Variants in USP6NL observed in about 807,000 individuals in gnomAD.
USP6NL encodes the protein USP6 N-terminal like.
A neutral mutation model predicts 61.9 loss-of-function variants in USP6NL; 26 were observed. The observed-to-expected ratio is 0.42, with a 90% CI of 0.31 to 0.58. USP6NL has a LOEUF of 0.58. Ranked by LOEUF, USP6NL falls within the 20% of genes least tolerant of loss-of-function variation. The pLI, the probability that USP6NL is intolerant of heterozygous loss-of-function variation, is 0.16. For missense variants in USP6NL, 1,114 were observed against 1,034.3 expected (o/e 1.08, Z -1.06); for synonymous variants, 432 against 390.1 (o/e 1.11, Z -1.27).
intron 2 of USP6NL, among the ~76,000 whole-genome samples, chr10:11,527,985 C>T (rs1835487456): frequency 6.6e-6 from 1 of 152,234 alleles, no homozygotes; most frequent in East Asian, 1.9e-4. Context: ...GCACAAGATA[C>T]AATATTTATT....
intron 14 of USP6NL, among the ~76,000 whole-genome samples, chr10:11,480,672 T>C (rs1833159720): frequency 1.3e-5 from 2 of 152,170 alleles, no homozygotes; most frequent in African/African-American, 4.8e-5. Flanking sequence ...AAAGCAAACA[T>C]CTTGGTTTTT....
intron 2 of USP6NL, among the ~76,000 whole-genome samples, chr10:11,571,671 TA>T (rs1400501985): frequency 1.3e-5 from 2 of 151,938 alleles, no homozygotes; most frequent in East Asian, 3.9e-4. Context: ...ATTCTCTTCT[TA>T]GGGGTCAGTG....
intron 14 of USP6NL, among the ~76,000 whole-genome samples, chr10:11,471,083 G>A (rs1392038879): frequency 1.3e-5 from 2 of 152,186 alleles, no homozygotes; most frequent in Non-Finnish European, 2.9e-5. Context: ...TACTTGAGAG[G>A]CTGAGGCAGA....
intron 7 of USP6NL, among the ~76,000 whole-genome samples, chr10:11,500,331 TA>T (rs1157915922): frequency 6.6e-6 from 1 of 152,000 alleles, no homozygotes; most frequent in East Asian, 1.9e-4. Flanking sequence ...CCCCTGAACT[TA>T]AAATAAAAGT....
Position 11,468,883 on chromosome 10 carries a change from G to A in USP6NL, c.1079-5034C>T, listed in dbSNP as rs1377949652. On this transcript the variant is annotated intron_variant, in intron 14 of 14. Transcript: ENST00000609104. The surrounding 1 kb of genome is among the most constrained non-coding windows in gnomAD (Gnocchi z 4.5). ...TGAGAAGTAATGGAAGGACTGAGGT[G>A]GTAATTTCAGGCACAAAACAAAATG... Among the ~76,000 whole-genome samples, 3 of 151,954 alleles carry A rather than the reference G, an allele frequency of 2.0e-5. No homozygotes were observed. Among genetic ancestry groups the A allele is most frequent in the South Asian group, 2.1e-4 (1 of 4,820 alleles).
In USP6NL at chr10:11,541,660, T is replaced by C. The variant is rs116059784; in HGVS notation, c.5-14093A>G. The stretch of plus-strand genomic sequence containing the variant: ...GTCAATAGAAAGCCGTAAGTGTTTT[T>C]CACTGTGAGACAGAGCAACCTCCCT... On this transcript the variant is annotated intron_variant, in intron 2 of 14. Coordinates refer to ENST00000609104, the MANE Select transcript of USP6NL (RefSeq NM_014688.5). Among the ~76,000 whole-genome samples the C allele has an allele frequency of 5.6e-3, 846 of 152,278 alleles. 10 individuals are homozygous for C. The highest frequency in any genetic ancestry group is 0.017 in the African/African-American group (697 of 41,558).
rs548466296 is a variant in USP6NL at position 11,518,566 on chromosome 10, T to A, written c.164A>T (p.Glu55Val). The change falls in exon 5 of 15, where the codon GAG (glutamate) becomes GTG (valine). Residue 55 changes from glutamate to valine, a missense_variant. Glu to Val is a moderately radical substitution (Grantham distance 121). Coordinates refer to ENST00000609104, the MANE Select transcript of USP6NL (RefSeq NM_014688.5). This position sits in a 1 kb window ranked among gnomAD's most constrained non-coding sequence, Gnocchi z 5.3. ...TDRFGFLHEE[E>V]LPDHNVAVER... ...CACAGCCACATTATGATCTGGGAGC[T>A]CCTCCTCACTGCAGAGGAAAAACAG... The A allele has an allele frequency of 4.3e-5, 69 of 1,612,530 alleles. No homozygotes were observed. In the Middle Eastern group the frequency reaches 8.3e-4, roughly 19 times the overall value.
intron 2 of USP6NL, among the ~76,000 whole-genome samples, chr10:11,531,441 G>A (rs913048376): frequency 2.6e-5 from 4 of 151,980 alleles, no homozygotes; most frequent in Admixed American, 2.6e-4. Flanking sequence ...TCCTGCCTCA[G>A]CCTCCGGAGT....
In USP6NL at chr10:11,596,731, A is replaced by G. The variant is rs1163809227; in HGVS notation, c.4+900T>C. Among the ~76,000 whole-genome samples, 1 of 152,184 alleles carries G rather than the reference A, an allele frequency of 6.6e-6. No individual in the cohort carries two copies. Among genetic ancestry groups the G allele is most frequent in the Non-Finnish European group, 1.5e-5 (1 of 68,038 alleles). Reference sequence around the variant, plus strand: ...AAAAGTATACCACTGAAAAGTCAAAAATCAAAGACCGTTCCTTACAATATT... The same window carrying G: ...AAAAGTATACCACTGAAAAGTCAAAGATCAAAGACCGTTCCTTACAATATT... On this transcript the variant is annotated intron_variant, in intron 2 of 14. Coordinates refer to ENST00000609104, the MANE Select transcript of USP6NL (RefSeq NM_014688.5). The surrounding 1 kb of genome is among the most constrained non-coding windows in gnomAD (Gnocchi z 4.1).
At chr10:11,569,369 A>AG (rs1837279056) in intron 2 of USP6NL, among the ~76,000 whole-genome samples, 3 of 152,218 alleles carry the variant, frequency 2.0e-5, no homozygotes, top group Non-Finnish European at 2.9e-5. Flanking sequence ...AGCTAAAAAA[A>AG]CAGGATGGAA....
rs764335345 is a variant in USP6NL at position 11,525,451 on chromosome 10, C to G, written c.90G>C (p.Glu30Asp). 1.9e-6 allele frequency: 3 copies of G among 1,594,212 alleles called. No individual in the cohort carries two copies. In the South Asian group the frequency reaches 3.5e-5, roughly 18 times the overall value. ...AATCAGCATCTTCCCAAGGTTCAAT[C>G]TCTGCACCTTCTCGTCCCTAAAATA... ...AKYDRGREGA[E>D]IEPWEDADYL... Residue 30 changes from glutamate (E) to aspartate (D), a missense_variant, in exon 4 of 15, where the codon GAG (glutamate) becomes GAC (aspartate). By Grantham distance (45) the Glu-to-Asp change is conservative (BLOSUM62 2). Transcript: ENST00000609104. This position sits in a 1 kb window ranked among gnomAD's most constrained non-coding sequence, Gnocchi z 5.0.
In USP6NL at chr10:11,538,000, G is replaced by C. The variant is rs914951286; in HGVS notation, c.5-10433C>G. Reference sequence around the variant, plus strand: ...TAAGCACATGTTTTTAAGATCATTGGGAAGAGGACAAATTGCCAATATTTT... The same window carrying C: ...TAAGCACATGTTTTTAAGATCATTGCGAAGAGGACAAATTGCCAATATTTT... On this transcript the variant is annotated intron_variant, in intron 2 of 14. Coordinates refer to ENST00000609104, the MANE Select transcript of USP6NL (RefSeq NM_014688.5). This position sits in a 1 kb window ranked among gnomAD's most constrained non-coding sequence, Gnocchi z 5.1. Among the ~76,000 whole-genome samples the C allele has an allele frequency of 1.3e-5, 2 of 152,128 alleles. No homozygotes were observed. The highest frequency in any genetic ancestry group is 6.5e-5 in the Admixed American group (1 of 15,274).
At chr10:11,551,801 G>C (rs1325597755) in intron 2 of USP6NL, among the ~76,000 whole-genome samples, 1 of 152,154 alleles carries the variant, frequency 6.6e-6, no homozygotes, top group Non-Finnish European at 1.5e-5. Context: ...TCCATCATAA[G>C]TTTTAAGGAC....
At chr10:11,469,914 T>G (rs1032611027) in intron 14 of USP6NL, among the ~76,000 whole-genome samples, 1 of 152,226 alleles carries the variant, frequency 6.6e-6, no homozygotes. Flanking sequence ...CATGAACATT[T>G]GCTGATGCTA....
rs1327925457 is a variant in USP6NL, at chr10:11,528,474, C to T, written c.5-907G>A. On this transcript the variant is annotated intron_variant, in intron 2 of 14. Transcript: ENST00000609104. This position sits in a 1 kb window ranked among gnomAD's most constrained non-coding sequence, Gnocchi z 4.6. ...AATACTGTGCTAATAAGCACTTTAC[C>T]CTGCCTTACCACATGACACTCTAAG... 6.6e-6 allele frequency among the ~76,000 whole-genome samples: 1 copy of T among 151,990 alleles called. No individual in the cohort carries two copies. Among genetic ancestry groups the T allele is most frequent in the Non-Finnish European group, 1.5e-5 (1 of 68,002 alleles).
At position 11,587,317 on chromosome 10, in the gene USP6NL, G is replaced by A. The variant is rs1838007937; in HGVS notation, c.4+10314C>T. On this transcript the variant is annotated intron_variant, in intron 2 of 14. Transcript: ENST00000609104. This position sits in a 1 kb window ranked among gnomAD's most constrained non-coding sequence, Gnocchi z 4.5. ...AAATATTTTAAGAAATTAATTTATA[G>A]TATCATGTGTCTCAAAGTTGTCTAA... Among the ~76,000 whole-genome samples, 1 of 152,104 alleles carries A rather than the reference G, an allele frequency of 6.6e-6. No individual in the cohort carries two copies. Among genetic ancestry groups the A allele is most frequent in the Non-Finnish European group, 1.5e-5 (1 of 68,024 alleles).
chr10:11,514,629 G>A (rs1376599902), intron 5 of USP6NL, among the ~76,000 whole-genome samples: 1 of 151,910 alleles, frequency 6.6e-6, no homozygotes, highest in East Asian at 1.9e-4. Context: ...TAGTGTTCTG[G>A]TACAAAATGA....
chr10:11,586,950 C>A (rs538962974), intron 2 of USP6NL, among the ~76,000 whole-genome samples: 2 of 152,166 alleles, frequency 1.3e-5, no homozygotes, highest in Non-Finnish European at 2.9e-5. Flanking sequence ...TAGGTCTCAG[C>A]TGGAAGGTTT....
rs1832886453 is a variant in USP6NL at position 11,474,532 on chromosome 10, T to C, written c.1078+7238A>G. On this transcript the variant is annotated intron_variant, in intron 14 of 14. Coordinates refer to ENST00000609104, the MANE Select transcript of USP6NL (RefSeq NM_014688.5). The surrounding 1 kb of genome is among the most constrained non-coding windows in gnomAD (Gnocchi z 4.9). ...GTGGAACCAAACATTAAAGTTCCAT[T>C]AGACGAGAATGTTAAAATTTGCCAG... Among the ~76,000 whole-genome samples, 1 of 152,200 alleles carries C rather than the reference T, an allele frequency of 6.6e-6. No individual in the cohort carries two copies. The highest frequency in any genetic ancestry group is 2.4e-5 in the African/African-American group (1 of 41,458).
Sources: gnomAD v4.1 joint callset for allele counts (sites outside exome capture counted in the v4.1 genomes callset) on GRCh38, gnomAD v4.1.1 for gene constraint, Gnocchi (gnomAD v3.1) non-coding constraint, MANE v1.5 for transcripts, NCBI Gene and HGNC (gene_info 2026-07-23, HGNC 2026-07-21) for gene names.